Variants in SLC7A5 observed in about 807,000 individuals in gnomAD.
SLC7A5 encodes the protein solute carrier family 7 member 5.
Under a neutral mutation model 50.2 loss-of-function variants are expected in SLC7A5, and 23 were observed. That is an observed-to-expected ratio of 0.46 (90% CI 0.33 to 0.65). The LOEUF is 0.65. Ranked by LOEUF, SLC7A5 falls within the 30% of genes least tolerant of loss-of-function variation. SLC7A5 has a pLI of 0.02. For synonymous variants in SLC7A5, 393 were observed against 330.6 expected (o/e 1.19, Z -2.05); for missense variants, 578 against 684.4 (o/e 0.84, Z 1.73).
intron 2 of SLC7A5, among the ~76,000 whole-genome samples, chr16:87,845,478 C>T (rs548047807): frequency 7.8e-6 from 1 of 128,598 alleles, no homozygotes; most frequent in African/African-American, 3.3e-5. Context: ...CCACGCCCAC[C>T]CCACAGAGTC....
chr16:87,859,854 T>A (rs2055366922), intron 1 of SLC7A5, among the ~76,000 whole-genome samples: 2 of 151,928 alleles, frequency 1.3e-5, no homozygotes, highest in Non-Finnish European at 2.9e-5. Context: ...GGCAGGAGAA[T>A]CGCTTGAACC....
At chr16:87,851,669 GAC>G in intron 2 of SLC7A5, 53 bp downstream of exon 2, 1 of 1,591,524 alleles carries the variant, frequency 6.3e-7, no homozygotes, top group Non-Finnish European at 8.6e-7. Flanking sequence ...CCCTGTGAAG[GAC>G]ACACAGGCAA....
Position 87,852,636 on chromosome 16 carries a change from CTCTGTGTG to C in SLC7A5, c.539-795_539-788del, listed in dbSNP as rs1303226641. On this transcript the variant is annotated intron_variant, in intron 1 of 9. Coordinates refer to ENST00000261622, the MANE Select transcript of SLC7A5 (RefSeq NM_003486.7). This position sits in a 1 kb window ranked among gnomAD's most constrained non-coding sequence, Gnocchi z 4.5. Reference sequence around the variant, plus strand: ...CCCTGTAAGGCACCCAGCTCTGAGCCTCTGTGTGTGTGTGTGTGTGTGTGTGTGTGTGT... The same window carrying C: ...CCCTGTAAGGCACCCAGCTCTGAGCCTGTGTGTGTGTGTGTGTGTGTGTGT... Among the ~76,000 whole-genome samples the C allele has an allele frequency of 8.3e-4, 81 of 97,496 alleles. No homozygotes were observed. The highest frequency in any genetic ancestry group is 3.0e-3 in the African/African-American group (79 of 26,694). 64.0% of individuals were successfully genotyped at this position (97,496 alleles called of 152,430 possible). A position where few individuals can be genotyped will look rare whatever the true frequency, so the allele number is the denominator to read the frequency against.
rs1252207086 is a variant in SLC7A5 at position 87,830,318 on chromosome 16, T to C, written c.*2652A>G. The C allele has an allele frequency of 6.6e-6, 1 of 152,272 alleles. No individual in the cohort carries two copies. The highest frequency in any genetic ancestry group is 1.5e-5 in the Non-Finnish European group (1 of 68,056). The allele number at this position is 152,272 out of a possible 1,614,324, so 9.4% of individuals were successfully genotyped here. ...CATGGTGCCGACAGCATCTTTAAAT[T>C]AGTAAGACGTTAGCACAAAACAAAA... On this transcript the variant is annotated 3_prime_UTR_variant, in exon 10 of 10. Transcript: ENST00000261622.
chr16:87,847,173 C>T (rs967364904), intron 2 of SLC7A5, among the ~76,000 whole-genome samples: 1 of 152,230 alleles, frequency 6.6e-6, no homozygotes, highest in African/African-American at 2.4e-5. Context: ...CTCTAAGCCA[C>T]AGCCCAGGGG....
intron 1 of SLC7A5, among the ~76,000 whole-genome samples, chr16:87,864,826 G>A (rs930383830): frequency 2.6e-5 from 4 of 152,198 alleles, no homozygotes; most frequent in African/African-American, 9.7e-5. Flanking sequence ...GACTTCCCAA[G>A]TAAAAAGCAC....
intron 1 of SLC7A5, among the ~76,000 whole-genome samples, chr16:87,856,339 C>T (rs772790584): frequency 6.6e-6 from 1 of 152,202 alleles, no homozygotes; most frequent in Non-Finnish European, 1.5e-5. Context: ...CGATTGTTTA[C>T]CCAGAACTGC....
chr16:87,867,566 C>G (rs1374549089), intron 1 of SLC7A5, among the ~76,000 whole-genome samples: 1 of 152,126 alleles, frequency 6.6e-6, no homozygotes, highest in East Asian at 1.9e-4. Context: ...CTCCCCCTCC[C>G]CCCCAAAGTA....
chr16:87,835,073 G>A (rs764881103), intron 8 of SLC7A5, among the ~76,000 whole-genome samples: 1 of 152,270 alleles, frequency 6.6e-6, no homozygotes, highest in Non-Finnish European at 1.5e-5. Context: ...AGCTCCACCC[G>A]GCACAGAAGC....
chr16:87,868,928 C>T lies in SLC7A5; in HGVS notation c.495G>A (p.Pro165=). The T allele has an allele frequency of 6.2e-7, 1 of 1,610,206 alleles. No individual in the cohort carries two copies. The highest frequency in any genetic ancestry group is 8.5e-7 in the Non-Finnish European group (1 of 1,179,320). The change falls in exon 1 of 10, where the codon CCG becomes CCA. Residue 165 remains proline (P), a synonymous_variant. Coordinates refer to ENST00000261622, the MANE Select transcript of SLC7A5 (RefSeq NM_003486.7). ...YLLKPLFPTC[P]VPEEAAKLVA... is the part of the protein sequence containing the mutation. ...CGAGCTTGGCTGCCTCCTCGGGCAC[C>T]GGGCAGGTGGGGAAGAGCGGCTTGA... is the stretch of plus-strand genomic sequence containing the variant.
intron 1 of SLC7A5, among the ~76,000 whole-genome samples, chr16:87,856,415 G>C (rs2055320695): frequency 6.6e-6 from 1 of 152,226 alleles, no homozygotes; most frequent in East Asian, 1.9e-4. Context: ...CAGGCAGCCT[G>C]GTCCCCCAGG....
chr16:87,839,937 G>A (rs895355113), intron 4 of SLC7A5, 112 bp from the exon 5 acceptor site: 4 of 1,417,994 alleles, frequency 2.8e-6, no homozygotes, highest in Admixed American at 1.9e-5. Context: ...CCTCTGTGCT[G>A]GGCTTCTCGG....
Position 87,832,802 on chromosome 16 carries a change from G to A in SLC7A5, c.*168C>T, listed in dbSNP as rs1467574483. ...GGCCCTCAGTTGAGGGATGAGATTC[G>A]TACCAGAGTTTTCACAGCAGCCTCC... On this transcript the variant is annotated 3_prime_UTR_variant, in exon 10 of 10. Transcript: ENST00000261622. The surrounding 1 kb of genome is among the most constrained non-coding windows in gnomAD (Gnocchi z 4.6). The A allele has an allele frequency of 1.3e-5, 9 of 676,038 alleles. No individual in the cohort carries two copies. The highest frequency in any genetic ancestry group is 3.7e-5 in the Admixed American group (2 of 53,840). The allele number at this position is 676,038 out of a possible 1,614,324, so 41.9% of individuals were successfully genotyped here.
intron 1 of SLC7A5, among the ~76,000 whole-genome samples, chr16:87,866,664 A>T (rs1179304270): frequency 1.3e-5 from 2 of 151,954 alleles, no homozygotes; most frequent in African/African-American, 2.4e-5. Context: ...ATGGGGTTTC[A>T]CCATGTTGGC....
chr16:87,854,197 T>C (rs181338790), intron 1 of SLC7A5, among the ~76,000 whole-genome samples: 10 of 151,408 alleles, frequency 6.6e-5, no homozygotes, highest in East Asian at 3.9e-4. Flanking sequence ...TCTCCTGACG[T>C]TGGAAATAAC....
chr16:87,834,680 C>T (rs770675013), intron 8 of SLC7A5, 89 bp from the exon 9 acceptor site: 3 of 1,354,362 alleles, frequency 2.2e-6, no homozygotes, highest in Non-Finnish European at 3.1e-6. Flanking sequence ...CCTGGGCCCT[C>T]CACACCCACG....
At chr16:87,835,488 CCT>C (rs1206717918) in intron 8 of SLC7A5, among the ~76,000 whole-genome samples, 13 of 152,198 alleles carry the variant, frequency 8.5e-5, no homozygotes, top group African/African-American at 2.4e-4. Flanking sequence ...TTTTAAAGCC[CCT>C]GTTTTTTTTG....
In SLC7A5 at chr16:87,861,666, G is replaced by T. The variant is rs1240030379; in HGVS notation, c.538+7219C>A. On this transcript the variant is annotated intron_variant, in intron 1 of 9. Transcript: ENST00000261622. The surrounding 1 kb of genome is among the most constrained non-coding windows in gnomAD (Gnocchi z 4.2). ...GGCTCTCAACCTGGCCTGGGCCCCC[G>T]GGGGTCTGCGCAACCCACCCTTCTG... Among the ~76,000 whole-genome samples, 1 of 152,150 alleles carries T rather than the reference G, an allele frequency of 6.6e-6. No individual in the cohort carries two copies. The highest frequency in any genetic ancestry group is 2.4e-5 in the African/African-American group (1 of 41,420).
chr16:87,863,353 C>T (rs917820948), intron 1 of SLC7A5, among the ~76,000 whole-genome samples: 7 of 152,182 alleles, frequency 4.6e-5, no homozygotes, highest in African/African-American at 7.2e-5. Flanking sequence ...CTACCCTACT[C>T]GCTATGCAGA....
Sources: gnomAD v4.1 joint callset for allele counts (sites outside exome capture counted in the v4.1 genomes callset) on GRCh38, gnomAD v4.1.1 for gene constraint, Gnocchi (gnomAD v3.1) non-coding constraint, MANE v1.5 for transcripts, NCBI Gene and HGNC (gene_info 2026-07-23, HGNC 2026-07-21) for gene names.